The following MAPK8IP3 variants were observed in gnomAD, a reference collection of about 807,000 sequenced individuals.
MAPK8IP3 encodes mitogen-activated protein kinase 8 interacting protein 3.
In MAPK8IP3, 49 loss-of-function variants were observed where a neutral mutation model predicts 157.8. The observed-to-expected ratio is 0.31, with a 90% CI of 0.25 to 0.39. The LOEUF is 0.39. MAPK8IP3 is among the 10% of genes least tolerant of loss of function. The probability of loss-of-function intolerance (pLI) is 1.00; values close to 1 mark genes in which losing one functional copy is unlikely to be tolerated. For synonymous variants in MAPK8IP3, 897 were observed against 777.7 expected (o/e 1.15, Z -2.55); for missense variants, 1,478 against 1,889.4 (o/e 0.78, Z 4.04).
intron 2 of MAPK8IP3, among the ~76,000 whole-genome samples, chr16:1,725,827 A>G (rs2038841608): frequency 6.6e-6 from 1 of 151,710 alleles, no homozygotes; most frequent in Admixed American, 6.6e-5. Context: ...CTTCCCAAGT[A>G]GCTGGGACTA....
At chr16:1,719,917 AC>A (rs1306991981) in intron 1 of MAPK8IP3, among the ~76,000 whole-genome samples, 1 of 152,254 alleles carries the variant, frequency 6.6e-6, no homozygotes, top group African/African-American at 2.4e-5. Flanking sequence ...GCACTGTCCC[AC>A]TTTTTAGGGG....
intron 9 of MAPK8IP3, 71 bp from the exon 10 acceptor site, chr16:1,758,907 T>C (rs1281391214): frequency 6.4e-7 from 1 of 1,555,482 alleles, no homozygotes; most frequent in Non-Finnish European, 8.9e-7. Flanking sequence ...AACGCGCTTC[T>C]CTTCTCTCCC....
At chr16:1,765,728 C>T (rs1198665504) in intron 20 of MAPK8IP3, among the ~76,000 whole-genome samples, 2 of 152,228 alleles carry the variant, frequency 1.3e-5, no homozygotes, top group Non-Finnish European at 2.9e-5. Context: ...CAGAGTCTTA[C>T]TACTCAGCTC....
intron 8 of MAPK8IP3, among the ~76,000 whole-genome samples, chr16:1,754,758 C>CAA (rs35088243): frequency 2.9e-5 from 3 of 104,076 alleles, no homozygotes; most frequent in Non-Finnish European, 4.2e-5. Context: ...GACTCCGTCT[C>CAA]AAAAAAAAAA....
intron 4 of MAPK8IP3, 39 bp downstream of exon 4, chr16:1,729,617 G>A (rs2039155857): frequency 2.6e-6 from 4 of 1,543,254 alleles, no homozygotes; most frequent in Non-Finnish European, 2.6e-6. Flanking sequence ...CGCGGGGCGC[G>A]GCGGGGCGGA....
intron 11 of MAPK8IP3, 178 bp downstream of exon 11, chr16:1,760,193 G>C: frequency 1.0e-6 from 1 of 955,644 alleles, no homozygotes; most frequent in East Asian, 2.5e-5. Flanking sequence ...TACGAAGCTT[G>C]TCTCCAGGAG....
chr16:1,715,799 A>G (rs896610486), intron 1 of MAPK8IP3, among the ~76,000 whole-genome samples: 4 of 149,550 alleles, frequency 2.7e-5, no homozygotes, highest in African/African-American at 9.9e-5. Context: ...CGTGATCTCT[A>G]CTCACTGCAA....
Position 1,766,907 on chromosome 16 carries a change from T to A in MAPK8IP3, c.3024T>A (p.His1008Gln). 2 of 1,602,862 alleles carry A rather than the reference T, an allele frequency of 1.2e-6. No individual in the cohort carries two copies. The highest frequency in any genetic ancestry group is 1.7e-6 in the Non-Finnish European group (2 of 1,173,130). Residue 1008 changes from histidine to glutamine, a missense_variant, in exon 25 of 32, where the codon CAT becomes CAA. His to Gln is a conservative substitution (Grantham distance 24). Coordinates refer to ENST00000610761, the MANE Select transcript of MAPK8IP3 (RefSeq NM_001318852.2). Reference sequence around the variant, plus strand: ...GCTCACCGCATTCCTGTTTCAGGCATGTCAAAGGCCGTGTGCTGGTGGCTC... The same window carrying A: ...GCTCACCGCATTCCTGTTTCAGGCAAGTCAAAGGCCGTGTGCTGGTGGCTC... The part of the protein sequence containing the change: ...KLKDSVLSLV[H>Q]VKGRVLVALA...
chr16:1,757,119 T>A (rs989963290), intron 8 of MAPK8IP3, among the ~76,000 whole-genome samples: 7 of 152,092 alleles, frequency 4.6e-5, no homozygotes, highest in Non-Finnish European at 1.0e-4. Flanking sequence ...ATTTTTTTTT[T>A]AATTGAGGCG....
chr16:1,760,886 G>A (rs779728022), intron 12 of MAPK8IP3, among the ~76,000 whole-genome samples: 1 of 152,350 alleles, frequency 6.6e-6, no homozygotes, highest in East Asian at 1.9e-4. Flanking sequence ...GGCGCTCCGA[G>A]ACCATGCCTC....
intron 4 of MAPK8IP3, among the ~76,000 whole-genome samples, chr16:1,736,000 G>A (rs1483388899): frequency 6.8e-6 from 1 of 146,022 alleles, no homozygotes; most frequent in East Asian, 2.1e-4. Context: ...GCATCCGTGT[G>A]ACCGTCCATG....
At chr16:1,708,097 A>G (rs965510272) in intron 1 of MAPK8IP3, 2 of 152,232 alleles carry the variant, frequency 1.3e-5, no homozygotes, top group Admixed American at 1.3e-4. Context: ...CTCTCAACCT[A>G]AGGGAACGCA....
chr16:1,754,758 CAAA>C (rs35088243), intron 8 of MAPK8IP3, among the ~76,000 whole-genome samples: 6 of 104,066 alleles, frequency 5.8e-5, no homozygotes, highest in African/African-American at 6.8e-5. Flanking sequence ...GACTCCGTCT[CAAA>C]AAAAAAAAAA....
intron 4 of MAPK8IP3, among the ~76,000 whole-genome samples, chr16:1,736,008 ATGTGAGAGTGTGACCGTCCATG>A (rs2039736328): frequency 1.1e-5 from 1 of 94,988 alleles, no homozygotes; most frequent in Admixed American, 1.2e-4. Context: ...GTGACCGTCC[ATGTGAGAGTGTGACCGTCCATG>A]TGAGCATCCG....
intron 8 of MAPK8IP3, among the ~76,000 whole-genome samples, chr16:1,756,623 AACACACACACACACACACACACACACAC>A (rs60461442): frequency 1.5e-4 from 21 of 135,606 alleles, no homozygotes; most frequent in East Asian, 4.4e-4. Context: ...TTTTTACTAA[AACACACACACACACACACACACACACAC>A]ACACACACAC....
In MAPK8IP3 at chr16:1,768,887, C is replaced by A; in HGVS notation, c.*63C>A. 6.3e-7 allele frequency: 1 copy of A among 1,582,160 alleles called. No homozygotes were observed. The highest frequency in any genetic ancestry group is 8.6e-7 in the Non-Finnish European group (1 of 1,164,418). On this transcript the variant is annotated 3_prime_UTR_variant, in exon 32 of 32. Coordinates refer to ENST00000610761, the MANE Select transcript of MAPK8IP3 (RefSeq NM_001318852.2). Reference sequence around the variant, plus strand: ...CCCCGACCACCTGACCCCCGCCCGGCCCGCGGGGTAGCCAGCCAGGCGCCG... The same window carrying A: ...CCCCGACCACCTGACCCCCGCCCGGACCGCGGGGTAGCCAGCCAGGCGCCG...
At chr16:1,715,249 C>G (rs745587808) in intron 1 of MAPK8IP3, among the ~76,000 whole-genome samples, 1 of 152,156 alleles carries the variant, frequency 6.6e-6, no homozygotes, top group African/African-American at 2.4e-5. Context: ...GCTCTCTCAG[C>G]CCCACACGTA....
rs896358432 is a variant in MAPK8IP3, at chr16:1,766,545, C to T, written c.2836C>T (p.Pro946Ser). 3 of 1,611,852 alleles carry T rather than the reference C, an allele frequency of 1.9e-6. No homozygotes were observed. In the African/African-American group the frequency reaches 4.0e-5, roughly 22 times the overall value. The stretch of plus-strand genomic sequence containing the variant: ...TTCCTGCAGCGAGAACGGGCCAGAG[C>T]CTGACAGCAGCAGCACACGGCCAGA... ...PQPGSENGPE[P>S]DSSSTRPEPE... Residue 946 changes from proline (P) to serine (S), a missense_variant, in exon 23 of 32, where the codon CCT (proline) becomes TCT (serine). Coordinates refer to ENST00000610761, the MANE Select transcript of MAPK8IP3 (RefSeq NM_001318852.2).
At position 1,765,184 on chromosome 16, in the gene MAPK8IP3, C is replaced by T. The variant is rs1056250843; in HGVS notation, c.2446+6C>T. On this transcript the variant is annotated splice_donor_region_variant and intron_variant, in intron 20 of 31. Transcript: ENST00000610761. ...GTGCATCTCCAGCATCCCCGGTGAG[C>T]AGCTGGAGTGGGCGTTTCCACTCGG... 3 of 1,585,642 alleles carry T rather than the reference C, an allele frequency of 1.9e-6. No homozygotes were observed. The highest frequency in any genetic ancestry group is 2.7e-5 in the African/African-American group (2 of 74,442).
Sources: allele counts gnomAD v4.1 joint callset (sites outside exome capture counted in the v4.1 genomes callset), GRCh38; gene constraint gnomAD v4.1.1; transcripts MANE v1.5; gene names NCBI Gene and HGNC (gene_info 2026-07-23, HGNC 2026-07-21).